SHOC2: variants seen among roughly 807,000 people sequenced by gnomAD.
SHOC2 encodes the protein leucine-rich repeat protein SHOC-2.
In SHOC2, 4 loss-of-function variants were observed where a neutral mutation model predicts 50.2. The ratio of observed to expected loss-of-function variants is 0.08; its 90% confidence interval spans 0.04 to 0.18. The LOEUF (loss-of-function observed/expected upper bound fraction) is 0.18, where lower values mean the gene tolerates loss of function less well. SHOC2 is among the 10% of genes least tolerant of loss of function. SHOC2 has a pLI of 1.00. For missense variants in SHOC2, 388 were observed against 669.6 expected, an observed-to-expected ratio of 0.58 and a Z score of 4.64; for synonymous variants, 218 against 244.5, an observed-to-expected ratio of 0.89 and a Z score of 1.01.
rs1249549968 is a variant in SHOC2, at chr10:110,959,296, TAAAGA to T, written c.-234-4827_-234-4823del. ...ATCATCAGAAATAACAAATAACTCT[TAAAGA>T]ATAGTGCAAAAATATTGCAGTTTTT... On this transcript the variant is annotated intron_variant, in intron 1 of 8. Coordinates refer to ENST00000369452, the MANE Select transcript of SHOC2 (RefSeq NM_007373.4). Among the ~76,000 whole-genome samples, 4 of 152,310 alleles carry T rather than the reference TAAAGA, an allele frequency of 2.6e-5. No homozygotes were observed. In the East Asian group the frequency reaches 7.7e-4, roughly 29 times the overall value.
intron 2 of SHOC2, among the ~76,000 whole-genome samples, chr10:110,969,277 GAA>G (rs1045330715): frequency 1.3e-5 from 2 of 151,982 alleles, no homozygotes; most frequent in African/African-American, 2.4e-5. Flanking sequence ...TTCTAATCTT[GAA>G]AAAGACTCTT....
At chr10:110,965,201 T>C (rs565084039) in intron 2 of SHOC2, 140 bp downstream of exon 2, 35 of 746,440 alleles carry the variant, frequency 4.7e-5, no homozygotes, top group Non-Finnish European at 7.4e-5. Context: ...GTTTACTTTA[T>C]TCCATTTTCA....
At chr10:110,997,321 A>G (rs1191172058) in intron 3 of SHOC2, among the ~76,000 whole-genome samples, 1 of 152,228 alleles carries the variant, frequency 6.6e-6, no homozygotes, top group Non-Finnish European at 1.5e-5. Context: ...CTTTAGAACT[A>G]TAGCTCTATT....
rs1848437161 is a variant in SHOC2 at position 111,004,665 on chromosome 10, G to A, written c.1032G>A (p.Gln344=). 1.2e-6 allele frequency: 2 copies of A among 1,613,402 alleles called. No individual in the cohort carries two copies. Among genetic ancestry groups the A allele is most frequent in the East Asian group, 4.5e-5 (2 of 44,858 alleles). The part of the protein sequence containing the change: ...NSLTLARNCF[Q]LYPVGGPSQF... ...TGACCTTAGCTAGAAATTGCTTCCA[G>A]TTGTATCCAGTGGGTGGTCCATCTC... The change falls in exon 5 of 9, where the codon CAG becomes CAA. Residue 344 remains glutamine, a synonymous_variant. Transcript: ENST00000369452.
intron 1 of SHOC2, among the ~76,000 whole-genome samples, chr10:110,921,998 T>C (rs926536605): frequency 6.6e-6 from 1 of 152,102 alleles, no homozygotes; most frequent in East Asian, 1.9e-4. Context: ...ACTACCGTAT[T>C]CAGAAAGTTC....
At chr10:110,932,683 AC>A (rs1386148936) in intron 1 of SHOC2, among the ~76,000 whole-genome samples, 2 of 151,966 alleles carry the variant, frequency 1.3e-5, no homozygotes, top group Non-Finnish European at 2.9e-5. Flanking sequence ...GATTCCCCTA[AC>A]CTCCAAGGCT....
intron 2 of SHOC2, among the ~76,000 whole-genome samples, chr10:110,965,792 A>G (rs1002403696): frequency 5.9e-5 from 9 of 152,170 alleles, no homozygotes; most frequent in Non-Finnish European, 1.3e-4. Context: ...ATGTCAGTAA[A>G]AAATTAAAAA....
chr10:110,923,498 A>G (rs1201616315), intron 1 of SHOC2, among the ~76,000 whole-genome samples: 3 of 152,188 alleles, frequency 2.0e-5, no homozygotes, highest in African/African-American at 2.4e-5. Flanking sequence ...TTAATTACCA[A>G]TGATCCTTAA....
intron 1 of SHOC2, among the ~76,000 whole-genome samples, chr10:110,930,649 A>G (rs540777837): frequency 1.3e-5 from 2 of 151,090 alleles, no homozygotes; most frequent in South Asian, 2.1e-4. Context: ...AAAGTAAAGT[A>G]TATCTTGGGA....
chr10:110,957,287 T>C (rs1847482876), intron 1 of SHOC2, among the ~76,000 whole-genome samples: 1 of 152,238 alleles, frequency 6.6e-6, no homozygotes, highest in Non-Finnish European at 1.5e-5. Context: ...GTGACTCCAA[T>C]ATGTGCTTGA....
chr10:110,955,687 T>C (rs1480578448), intron 1 of SHOC2, among the ~76,000 whole-genome samples: 1 of 152,228 alleles, frequency 6.6e-6, no homozygotes, highest in Non-Finnish European at 1.5e-5. Context: ...AAATACATAA[T>C]GTGACTTTGT....
At chr10:110,961,056 G>A (rs1055366752) in intron 1 of SHOC2, among the ~76,000 whole-genome samples, 1 of 152,064 alleles carries the variant, frequency 6.6e-6, no homozygotes, top group African/African-American at 2.4e-5. Context: ...CTTCATATGC[G>A]GTAGTTATTA....
intron 2 of SHOC2, among the ~76,000 whole-genome samples, chr10:110,980,250 G>A (rs1319157067): frequency 1.3e-5 from 2 of 150,342 alleles, no homozygotes; most frequent in East Asian, 2.0e-4. Context: ...TCCGCCTCCC[G>A]GGTTCATGCC....
intron 2 of SHOC2, among the ~76,000 whole-genome samples, chr10:110,973,176 A>C (rs1847815033): frequency 6.6e-6 from 1 of 152,202 alleles, no homozygotes; most frequent in East Asian, 1.9e-4. Flanking sequence ...AACTCTTTTT[A>C]ATTATATAGT....
chr10:110,950,275 A>G (rs565682815), intron 1 of SHOC2, among the ~76,000 whole-genome samples: 2 of 152,268 alleles, frequency 1.3e-5, no homozygotes, highest in South Asian at 4.1e-4. Context: ...TAAGAAAACA[A>G]TCCCCTGTAC....
intron 1 of SHOC2, among the ~76,000 whole-genome samples, chr10:110,926,788 CTT>C (rs1334626230): frequency 6.6e-6 from 1 of 152,062 alleles, no homozygotes; most frequent in Non-Finnish European, 1.5e-5. Context: ...CAATTTAAAA[CTT>C]TTACTGTGTT....
chr10:110,961,063 A>T (rs1416119765), intron 1 of SHOC2, among the ~76,000 whole-genome samples: 3 of 152,126 alleles, frequency 2.0e-5, no homozygotes, highest in African/African-American at 7.2e-5. Flanking sequence ...TGCGGTAGTT[A>T]TTAGGTGGAG....
In SHOC2 at chr10:110,984,359, G is replaced by T. The variant is rs150989838; in HGVS notation, c.704-1269G>T. ...ATTGGCTTCTTTGAGGTTTTTTGTG[G>T]TGGTCTTGTTTTATTGTAGTTCTTT... is the stretch of plus-strand genomic sequence containing the variant. On this transcript the variant is annotated intron_variant, in intron 2 of 8. Transcript: ENST00000369452. 1.2e-4 allele frequency among the ~76,000 whole-genome samples: 18 copies of T among 152,116 alleles called. No individual in the cohort carries two copies. The East Asian group carries it at 3.5e-3, about 29-fold the overall frequency.
At chr10:110,947,766 C>CAAAAAAA (rs35892835) in intron 1 of SHOC2, among the ~76,000 whole-genome samples, 1 of 104,808 alleles carries the variant, frequency 9.5e-6, no homozygotes, top group Non-Finnish European at 2.1e-5. Context: ...AAATAAGTAC[C>CAAAAAAA]AAAAAAAAAA....
Sources: allele counts gnomAD v4.1 joint callset (sites outside exome capture counted in the v4.1 genomes callset), GRCh38; gene constraint gnomAD v4.1.1; transcripts MANE v1.5; gene names NCBI Gene and HGNC (gene_info 2026-07-23, HGNC 2026-07-21).